Variants in INSL6 observed in about 807,000 individuals in gnomAD.
The protein encoded by INSL6 is insulin-like peptide INSL6.
In INSL6, 16 loss-of-function variants were observed where a neutral mutation model predicts 9.4. The observed-to-expected ratio is 1.70, with a 90% CI of 1.15 to 2.59. The LOEUF (loss-of-function observed/expected upper bound fraction) is 2.59. INSL6 is among the 30% of genes most tolerant of loss of function. INSL6 has a pLI of 0.00. For synonymous variants in INSL6, 154 were observed against 96.9 expected (o/e 1.59, Z -3.46); for missense variants, 391 against 257.3 (o/e 1.52, Z -3.56).
the INSL6 span, chr9:5,078,329 G>T: frequency 6.2e-7 from 1 of 1,612,252 alleles, no homozygotes. Context: ...TTATTCATGG[G>T]AATGTATGTG....
In INSL6 at chr9:5,140,478, T is replaced by C. The variant is rs111921385; in HGVS notation, c.377-6886A>G. ...TCTTCTTTTACACTCCCCCATAATT[T>C]TGTGTTGTGATTATTATGATAACCT... is the stretch of plus-strand genomic sequence containing the variant. On this transcript the variant is annotated intron_variant, in intron 2 of 3. Coordinates refer to the INSL6 transcript ENST00000649639. Among the ~76,000 whole-genome samples, 232 of 152,278 alleles carry C rather than the reference T, an allele frequency of 1.5e-3. 1 individual carries two copies. The highest frequency in any genetic ancestry group is 5.2e-3 in the African/African-American group (215 of 41,570).
chr9:5,106,212 A>C, the INSL6 span, among the ~76,000 whole-genome samples: 1 of 152,242 alleles, frequency 6.6e-6, no homozygotes, highest in African/African-American at 2.4e-5. Flanking sequence ...CAAGAAAAAA[A>C]CAACCCCATC....
the INSL6 span, chr9:5,110,716 A>G: frequency 2.9e-6 from 1 of 347,520 alleles, no homozygotes; most frequent in African/African-American, 2.1e-5. Flanking sequence ...CACCTCCTTA[A>G]CTGCTGGCTA....
At chr9:4,994,607 C>T in the INSL6 span, among the ~76,000 whole-genome samples, 85 of 152,282 alleles carry the variant, frequency 5.6e-4, no homozygotes, top group Non-Finnish European at 1.0e-3. Flanking sequence ...TACTCAATTC[C>T]GCCTTTGTGG....
the INSL6 span, among the ~76,000 whole-genome samples, chr9:5,115,750 T>C: frequency 6.6e-6 from 1 of 152,222 alleles, no homozygotes; most frequent in East Asian, 1.9e-4. Flanking sequence ...GATGAGTTCA[T>C]GTCCTTTGCA....
the INSL6 span, chr9:5,113,995 G>T: frequency 3.7e-6 from 1 of 267,822 alleles, no homozygotes; most frequent in South Asian, 4.3e-5. Flanking sequence ...CTGGAGGATG[G>T]GCAGGTCGTG....
chr9:5,146,151 G>C (rs140158849), intron 2 of INSL6, among the ~76,000 whole-genome samples: 26 of 151,694 alleles, frequency 1.7e-4, no homozygotes, highest in African/African-American at 5.6e-4. Flanking sequence ...TGATGACCTT[G>C]AGTGTTTGAT....
At chr9:5,118,575 G>C in the INSL6 span, among the ~76,000 whole-genome samples, 2 of 152,114 alleles carry the variant, frequency 1.3e-5, no homozygotes, top group East Asian at 3.8e-4. Flanking sequence ...CAATTGGTTT[G>C]TATATCCTCG....
At chr9:5,111,792 T>A in the INSL6 span, 12 of 422,506 alleles carry the variant, frequency 2.8e-5, no homozygotes, top group Admixed American at 5.5e-5. Context: ...ACCTTCTCCT[T>A]GGCCCCCGGA....
chr9:5,005,083 A>ATT, the INSL6 span, among the ~76,000 whole-genome samples: 2 of 40,034 alleles, frequency 5.0e-5, no homozygotes, highest in African/African-American at 1.0e-4. Flanking sequence ...TGCCTGGCTA[A>ATT]TTTTTTTTTT....
the INSL6 span, among the ~76,000 whole-genome samples, chr9:5,051,381 T>G: frequency 6.6e-6 from 1 of 152,170 alleles, no homozygotes; most frequent in Non-Finnish European, 1.5e-5. Context: ...ATGACCTGAA[T>G]AAGTATTTCC....
the INSL6 span, among the ~76,000 whole-genome samples, chr9:5,014,828 C>A: frequency 1.3e-5 from 2 of 152,148 alleles, no homozygotes. Context: ...GCAATTTGCA[C>A]CTACATATGT....
At chr9:5,090,303 AAC>A in the INSL6 span, 1 of 505,278 alleles carries the variant, frequency 2.0e-6, no homozygotes, top group Non-Finnish European at 3.2e-6. Context: ...TGTTCTTAAC[AAC>A]TATATCACCT....
chr9:5,059,942 G>C, the INSL6 span, among the ~76,000 whole-genome samples: 2 of 152,046 alleles, frequency 1.3e-5, no homozygotes, highest in African/African-American at 4.8e-5. Context: ...TAAGTCTTTT[G>C]TAGGATGTTT....
chr9:5,143,160 G>A (rs896438242), intron 2 of INSL6, among the ~76,000 whole-genome samples: 1 of 151,574 alleles, frequency 6.6e-6, no homozygotes, highest in Non-Finnish European at 1.5e-5. Context: ...TCTTTTTTTT[G>A]TATTTCTGCC....
downstream of INSL6, among the ~76,000 whole-genome samples, chr9:5,121,900 G>A (rs191710615): frequency 1.6e-3 from 237 of 152,288 alleles, no homozygotes; most frequent in Non-Finnish European, 2.8e-3. Flanking sequence ...TTTGCAAGGA[G>A]TGAGGGAATA....
At chr9:5,155,151 A>G (rs1178761231) in intron 2 of INSL6, among the ~76,000 whole-genome samples, 59 of 151,958 alleles carry the variant, frequency 3.9e-4, no homozygotes, top group Non-Finnish European at 1.5e-5. Context: ...AGCCATAAAA[A>G]ATGATGAGTT....
chr9:5,085,582 C>A, the INSL6 span: 1 of 692,938 alleles, frequency 1.4e-6, no homozygotes. Flanking sequence ...AGTTTGTGCC[C>A]CACCTATAGA....
At chr9:5,023,358 C>T in the INSL6 span, among the ~76,000 whole-genome samples, 16 of 152,298 alleles carry the variant, frequency 1.1e-4, no homozygotes, top group Middle Eastern at 3.4e-3. Flanking sequence ...TACGATGCCA[C>T]TGGGCCCCAG....
Sources: gnomAD v4.1 joint callset for allele counts (sites outside exome capture counted in the v4.1 genomes callset) on GRCh38, gnomAD v4.1.1 for gene constraint, MANE v1.5 for transcripts, NCBI Gene and HGNC (gene_info 2026-07-23, HGNC 2026-07-21) for gene names.